The following SMARCA1 variants were observed in gnomAD, a reference collection of about 807,000 sequenced individuals.
SMARCA1 encodes SWI/SNF-related matrix-associated actin-dependent regulator of chromatin subfamily A member 1.
In SMARCA1, 17 loss-of-function variants were observed where a neutral mutation model predicts 93.6. The ratio of observed to expected loss-of-function variants is 0.18; its 90% confidence interval spans 0.12 to 0.27. SMARCA1 has a LOEUF of 0.27. SMARCA1 is among the 10% of genes least tolerant of loss of function. The pLI is 1.00. For missense variants in SMARCA1, 630 were observed against 819.0 expected, an observed-to-expected ratio of 0.77 and a Z score of 2.82; for synonymous variants, 271 against 271.4, an observed-to-expected ratio of 1.00 and a Z score of 0.01.
intron 23 of SMARCA1, among the ~76,000 whole-genome samples, chrX:129,463,372 C>G (rs1389851564): frequency 9.0e-6 from 1 of 111,639 alleles, no homozygotes; most frequent in Non-Finnish European, 1.9e-5. Flanking sequence ...GGCCAAGTAA[C>G]TTACTGCCAA....
At chrX:129,522,405 T>C (rs1387678719) in intron 1 of SMARCA1, among the ~76,000 whole-genome samples, 1 of 108,280 alleles carries the variant, frequency 9.2e-6, no homozygotes, top group East Asian at 2.9e-4. Flanking sequence ...TGGGGCCGGA[T>C]TGAGGGACCA....
chrX:129,515,768 C>T lies in SMARCA1; in HGVS notation c.549G>A (p.Leu183=), dbSNP rs1487060797. The T allele has an allele frequency of 8.3e-7, 1 of 1,199,117 alleles. No homozygotes were observed. ...VSPSYVKGGP[L]RDYQIRGLNW... Reference sequence around the variant, plus strand: ...TCAGTCCTCGAATCTGATAATCTCTCAGTGGCCCCCCTTTCACATCTGGTG... The same window carrying T: ...TCAGTCCTCGAATCTGATAATCTCTTAGTGGCCCCCCTTTCACATCTGGTG... Residue 183 remains leucine (L), a synonymous_variant, in exon 5 of 25, where the codon CTG becomes CTA. Transcript: ENST00000371121.
At chrX:129,523,097 T>C (rs1001855468) in intron 1 of SMARCA1, 100 bp downstream of exon 1, 69 of 975,488 alleles carry the variant, frequency 7.1e-5, no homozygotes, top group Non-Finnish European at 9.5e-5. Context: ...CCCGCAAAGC[T>C]CCGCGGGTAC....
intron 23 of SMARCA1, among the ~76,000 whole-genome samples, chrX:129,457,932 T>C (rs1246054315): frequency 3.6e-5 from 4 of 112,079 alleles, no homozygotes; most frequent in African/African-American, 9.7e-5. Context: ...ACACCCATCC[T>C]TCACTTAACC....
chrX:129,514,823 G>A (rs1422088351), intron 5 of SMARCA1, among the ~76,000 whole-genome samples: 2 of 111,434 alleles, frequency 1.8e-5, no homozygotes, highest in Non-Finnish European at 3.8e-5. Context: ...GCCGAAGCAG[G>A]TGGATCACAA....
Position 129,506,672 on chromosome X carries a change from G to A in SMARCA1, c.967-461C>T, listed in dbSNP as rs756724854. On this transcript the variant is annotated intron_variant, in intron 7 of 24. Coordinates refer to ENST00000371121, the MANE Select transcript of SMARCA1 (RefSeq NM_001282874.2). ...ACCACTGCACTCCACCCTGGGCAACGGAGTGAAACTCCGTCTCAAAAAAAA... is the reference window on the plus strand; with the variant it reads ...ACCACTGCACTCCACCCTGGGCAACAGAGTGAAACTCCGTCTCAAAAAAAA... Among the ~76,000 whole-genome samples the A allele has an allele frequency of 1.2e-4, 11 of 93,292 alleles. No individual in the cohort carries two copies. The East Asian group carries it at 1.8e-3, about 15-fold the overall frequency. The allele number at this position is 93,292 out of a possible 115,157, so 81.0% of individuals were successfully genotyped here. A position where few individuals can be genotyped will look rare whatever the true frequency, so the allele number is the denominator to read the frequency against.
chrX:129,450,391 G>C (rs989166682), intron 23 of SMARCA1, among the ~76,000 whole-genome samples: 1 of 112,081 alleles, frequency 8.9e-6, no homozygotes, highest in Non-Finnish European at 1.9e-5. Context: ...ATAATGGTGA[G>C]AAAATAAATT....
In SMARCA1 at chrX:129,489,023, G is replaced by A; in HGVS notation, c.2011C>T (p.His671Tyr). Reference protein sequence around the residue: ...AKEEMLQMIRHGATHVFASKE... With the variant: ...AKEEMLQMIRYGATHVFASKE... ...GAAGCAAAAACATGGGTGGCTCCAT[G>A]CCGTATCATTTGTAACATTTCCTCT... The change falls in exon 16 of 25, where the codon CAT becomes TAT. Residue 671 changes from histidine to tyrosine, a missense_variant. Around this residue, in one of 4 missense-constraint regions of SMARCA1, gnomAD observed 382 missense variants for 537.9 expected, o/e 0.71. Transcript: ENST00000371121. The A allele has an allele frequency of 8.5e-7, 1 of 1,173,436 alleles. No homozygotes were observed. The highest frequency in any genetic ancestry group is 1.8e-5 in the South Asian group (1 of 55,918).
Position 129,506,068 on chromosome X carries a change from G to A in SMARCA1, c.1098+12C>T, listed in dbSNP as rs1934799234. The A allele has an allele frequency of 4.3e-6, 5 of 1,168,034 alleles. No individual in the cohort carries two copies. The highest frequency in any genetic ancestry group is 5.8e-6 in the Non-Finnish European group (5 of 862,029). On this transcript the variant is annotated intron_variant, in intron 8 of 24. Transcript: ENST00000371121. Reference sequence around the variant, plus strand: ...AAGAAAGTTATACTTAAAACGTATGGCTTAAACTTACATCTGCAGAATTAA... The same window carrying A: ...AAGAAAGTTATACTTAAAACGTATGACTTAAACTTACATCTGCAGAATTAA...
chrX:129,450,477 A>G (rs913548774), intron 23 of SMARCA1, among the ~76,000 whole-genome samples: 5 of 112,155 alleles, frequency 4.5e-5, no homozygotes, highest in Non-Finnish European at 9.4e-5. Context: ...CCTTTCTTGA[A>G]AGCAAATTTG....
intron 17 of SMARCA1, among the ~76,000 whole-genome samples, chrX:129,486,110 A>G: frequency 9.0e-6 from 1 of 111,560 alleles, no homozygotes; most frequent in Non-Finnish European, 1.9e-5. Flanking sequence ...TACAATTAGT[A>G]TGTGTCAACT....
At chrX:129,520,629 G>A (rs1335393693) in intron 1 of SMARCA1, among the ~76,000 whole-genome samples, 1 of 110,208 alleles carries the variant, frequency 9.1e-6, no homozygotes, top group Non-Finnish European at 1.9e-5. Flanking sequence ...AGACACGGCA[G>A]AAACCAAGGA....
intron 1 of SMARCA1, among the ~76,000 whole-genome samples, chrX:129,520,037 A>AT (rs35543023): frequency 0.11 from 11,986 of 110,668 alleles, 576 homozygotes; most frequent in East Asian, 0.34. Flanking sequence ...GCTAATTAAA[A>AT]TCCTAATCTT....
chrX:129,515,185 A>G (rs1935152778), intron 5 of SMARCA1, among the ~76,000 whole-genome samples: 1 of 111,521 alleles, frequency 9.0e-6, no homozygotes, highest in Non-Finnish European at 1.9e-5. Flanking sequence ...AAGCTCAGTA[A>G]GAGTTTTATG....
At chrX:129,461,671 T>C (rs1161874955) in intron 23 of SMARCA1, among the ~76,000 whole-genome samples, 1 of 112,103 alleles carries the variant, frequency 8.9e-6, no homozygotes, top group Non-Finnish European at 1.9e-5. Flanking sequence ...ATAAGGGTCC[T>C]TTTAACTCTG....
chrX:129,491,836 C>G, intron 14 of SMARCA1, 105 bp downstream of exon 14: 1 of 516,817 alleles, frequency 1.9e-6, no homozygotes. Flanking sequence ...TCTATAAAAT[C>G]TCTCAAAAAT....
intron 14 of SMARCA1, among the ~76,000 whole-genome samples, chrX:129,491,184 T>G (rs939068508): frequency 8.9e-6 from 1 of 112,040 alleles, no homozygotes; most frequent in Non-Finnish European, 1.9e-5. Context: ...TTATACCTCA[T>G]TGGCATATGA....
rs190601429 is a variant in SMARCA1 at position 129,520,659 on chromosome X, A to G, written c.175-2212T>C. Among the ~76,000 whole-genome samples, 470 of 110,914 alleles carry G rather than the reference A, an allele frequency of 4.2e-3. 4 individuals carry two copies. The highest frequency in any genetic ancestry group is 0.015 in the African/African-American group (450 of 30,482). ...CAAGGACGAAAATGTCTTCCACTGC[A>G]GTAGCATCACTGATTCTTGGTGTGC... On this transcript the variant is annotated intron_variant, in intron 1 of 24. Transcript: ENST00000371121.
At chrX:129,490,539 T>C (rs775429576) in intron 14 of SMARCA1, among the ~76,000 whole-genome samples, 1 of 111,750 alleles carries the variant, frequency 8.9e-6, no homozygotes, top group Non-Finnish European at 1.9e-5. Flanking sequence ...GTAGTTAGGG[T>C]TGCTATGGTG....
Sources: allele counts gnomAD v4.1 joint callset (sites outside exome capture counted in the v4.1 genomes callset), GRCh38; gene constraint gnomAD v4.1.1; regional missense constraint gnomAD v4.1.1; transcripts MANE v1.5; gene names NCBI Gene and HGNC (gene_info 2026-07-23, HGNC 2026-07-21).